The following EVC variants were observed in gnomAD, a reference collection of about 807,000 sequenced individuals.
EVC encodes EvC ciliary complex subunit 1.
EVC carries 116 observed loss-of-function variants against 118.9 expected under a neutral mutation model. The ratio of observed to expected loss-of-function variants is 0.98; its 90% CI spans 0.84 to 1.14. The LOEUF (loss-of-function observed/expected upper bound fraction) is 1.14. EVC is among the 50% of genes most tolerant of loss of function. The probability of loss-of-function intolerance (pLI) is 0.00; values close to 1 mark genes in which losing one functional copy is unlikely to be tolerated. For synonymous variants in EVC, 619 were observed against 534.7 expected (o/e 1.16, Z -2.18); for missense variants, 1,401 against 1,246.4 (o/e 1.12, Z -1.87).
chr4:5,807,849 C>T (rs551998666), intron 17 of EVC, among the ~76,000 whole-genome samples: 14 of 152,334 alleles, frequency 9.2e-5, no homozygotes, highest in Non-Finnish European at 1.6e-4. Flanking sequence ...CCTTCTGCTC[C>T]GCCACTTCAC....
At chr4:5,757,787 A>G (rs1219954773) in intron 11 of EVC, among the ~76,000 whole-genome samples, 1 of 152,190 alleles carries the variant, frequency 6.6e-6, no homozygotes, top group African/African-American at 2.4e-5. Flanking sequence ...CTCCAAATAC[A>G]GCCACATGGG....
chr4:5,728,269 T>C (rs1169141649), intron 2 of EVC, among the ~76,000 whole-genome samples: 1 of 152,180 alleles, frequency 6.6e-6, no homozygotes, highest in Non-Finnish European at 1.5e-5. Flanking sequence ...TTTGTAGTTC[T>C]CCTTGAAGAA....
At chr4:5,816,622 T>G (rs1288847041), downstream of EVC, among the ~76,000 whole-genome samples, 3 of 130,504 alleles carry the variant, frequency 2.3e-5, no homozygotes, top group African/African-American at 8.6e-5. Flanking sequence ...GTCCTTCTTT[T>G]CTCCCTCCCT....
At chr4:5,827,376 A>AT in the EVC span, among the ~76,000 whole-genome samples, 3 of 152,054 alleles carry the variant, frequency 2.0e-5, no homozygotes, top group South Asian at 6.2e-4. Flanking sequence ...TTGTTTCCCC[A>AT]TCCAGTGCAA....
At chr4:5,800,599 G>T (rs1179422091) in intron 15 of EVC, among the ~76,000 whole-genome samples, 1 of 152,182 alleles carries the variant, frequency 6.6e-6, no homozygotes, top group Non-Finnish European at 1.5e-5. Context: ...AGGAAGGCAG[G>T]TGCACATAGG....
At chr4:5,773,925 TG>T (rs1456684823) in intron 11 of EVC, among the ~76,000 whole-genome samples, 1 of 152,100 alleles carries the variant, frequency 6.6e-6, no homozygotes, top group African/African-American at 2.4e-5. Context: ...GGTCCTGTGA[TG>T]AGGAACAAAA....
rs1230787985 is a variant in EVC, at chr4:5,746,597, C to G, written c.939+1256C>G. 6.6e-6 allele frequency among the ~76,000 whole-genome samples: 1 copy of G among 152,092 alleles called. No individual in the cohort carries two copies. Among genetic ancestry groups the G allele is most frequent in the Non-Finnish European group, 1.5e-5 (1 of 68,016 alleles). Reference sequence around the variant, plus strand: ...GTTCTTAGAACTGTGGGCCAGGATGCTAAGGAAGAGGGCCAGCCTGGATTC... The same window carrying G: ...GTTCTTAGAACTGTGGGCCAGGATGGTAAGGAAGAGGGCCAGCCTGGATTC... On this transcript the variant is annotated intron_variant, in intron 7 of 20. Transcript: ENST00000264956. The surrounding 1 kb of genome is among the most constrained non-coding windows in gnomAD (Gnocchi z 5.8).
Position 5,737,646 on chromosome 4 carries a change from T to C in EVC, c.703-4070T>C. ...CTAAATCTACTCTGCCTGTGCTCTA[T>C]AAGTGGAACAACAAAGCCTGGATCA... On this transcript the variant is annotated intron_variant, in intron 5 of 20. Transcript: ENST00000264956. This position sits in a 1 kb window ranked among gnomAD's most constrained non-coding sequence, Gnocchi z 5.0. 6.6e-6 allele frequency among the ~76,000 whole-genome samples: 1 copy of C among 152,234 alleles called. No homozygotes were observed. Among genetic ancestry groups the C allele is most frequent in the East Asian group, 1.9e-4 (1 of 5,198 alleles).
rs1326928941 is a variant in EVC, at chr4:5,756,224, T to G, written c.1465-40T>G. On this transcript the variant is annotated intron_variant, in intron 10 of 20. Coordinates refer to ENST00000264956, the MANE Select transcript of EVC (RefSeq NM_153717.3). This position sits in a 1 kb window ranked among gnomAD's most constrained non-coding sequence, Gnocchi z 4.2. ...CTTCTGGAAAAAAAAAAAAAAACCC[T>G]GCATGTTTCTACCAGACTCAGCTCT... is the stretch of plus-strand genomic sequence containing the variant. The G allele has an allele frequency of 1.4e-6, 2 of 1,414,048 alleles. No individual in the cohort carries two copies. Among genetic ancestry groups the G allele is most frequent in the Non-Finnish European group, 2.0e-6 (2 of 1,023,312 alleles). 87.6% of individuals were successfully genotyped at this position (1,414,048 alleles called of 1,614,324 possible).
At chr4:5,818,195 G>A (rs1288947486), downstream of EVC, among the ~76,000 whole-genome samples, 2 of 152,106 alleles carry the variant, frequency 1.3e-5, no homozygotes, top group African/African-American at 4.8e-5. Flanking sequence ...TCTCTCTCTT[G>A]CCTGCCATCA....
chr4:5,712,497 G>A (rs753503573), intron 1 of EVC, among the ~76,000 whole-genome samples: 5 of 152,168 alleles, frequency 3.3e-5, no homozygotes, highest in Non-Finnish European at 7.3e-5. Context: ...ATAGTGGTAT[G>A]GCCACTATTT....
At chr4:5,786,648 C>T (rs991632709) in intron 12 of EVC, among the ~76,000 whole-genome samples, 1 of 152,094 alleles carries the variant, frequency 6.6e-6, no homozygotes, top group Non-Finnish European at 1.5e-5. Flanking sequence ...CCAAGACGGG[C>T]GGATCATGAG....
Position 5,756,515 on chromosome 4 carries a change from C to A in EVC, c.1563+153C>A, listed in dbSNP as rs770254165. 1.3e-5 allele frequency among the ~76,000 whole-genome samples: 2 copies of A among 152,192 alleles called. No individual in the cohort carries two copies. Among genetic ancestry groups the A allele is most frequent in the African/African-American group, 4.8e-5 (2 of 41,448 alleles). On this transcript the variant is annotated intron_variant, in intron 11 of 20. Coordinates refer to ENST00000264956, the MANE Select transcript of EVC (RefSeq NM_153717.3). This position sits in a 1 kb window ranked among gnomAD's most constrained non-coding sequence, Gnocchi z 4.2. ...CCACGCAGGCTGTGTCCCCTCCATGCGATCCTCCTTGCCCACATCAGAAAC... is the reference window on the plus strand; with the variant it reads ...CCACGCAGGCTGTGTCCCCTCCATGAGATCCTCCTTGCCCACATCAGAAAC...
intron 9 of EVC, 108 bp downstream of exon 9, chr4:5,753,160 G>A: frequency 9.3e-7 from 1 of 1,080,690 alleles, no homozygotes; most frequent in Non-Finnish European, 1.4e-6. Flanking sequence ...ATGATGCCGG[G>A]CACAGGCTGC....
chr4:5,808,266 C>T lies in EVC; in HGVS notation c.2627C>T (p.Ala876Val). The stretch of plus-strand genomic sequence containing the variant: ...GTGCACCAGCAGATGCGTCTGCACG[C>T]CCAGCAGCAGCAGGCAGGAGTCATG... ...FPVHQQMRLHAQQQQAGVMDL... is the reference protein window; with the variant it reads ...FPVHQQMRLHVQQQQAGVMDL... The change falls in exon 18 of 21, where the codon GCC becomes GTC. Residue 876 changes from alanine (A) to valine (V), a missense_variant. Transcript: ENST00000264956. 1.2e-6 allele frequency: 2 copies of T among 1,612,904 alleles called. No individual in the cohort carries two copies. Among genetic ancestry groups the T allele is most frequent in the Non-Finnish European group, 1.7e-6 (2 of 1,179,632 alleles).
chr4:5,741,860 T>A, intron 6 of EVC, 46 bp downstream of exon 6: 1 of 1,027,090 alleles, frequency 9.7e-7, no homozygotes, highest in Non-Finnish European at 1.5e-6. Flanking sequence ...AATAGTTTAT[T>A]ATAATATATA....
rs1261044362 is a variant in EVC at position 5,731,328 on chromosome 4, G to T, written c.385-97G>T. The T allele has an allele frequency of 5.6e-6, 6 of 1,080,072 alleles. No homozygotes were observed. Among genetic ancestry groups the T allele is most frequent in the Admixed American group, 1.7e-5 (1 of 59,274 alleles). 66.9% of individuals were successfully genotyped at this position (1,080,072 alleles called of 1,614,324 possible). ...CAGTCTCCTCCAGGCAGACCTTCCTGTGAGCGGCTAGCGTGAATCACTGGT... is the reference window on the plus strand; with the variant it reads ...CAGTCTCCTCCAGGCAGACCTTCCTTTGAGCGGCTAGCGTGAATCACTGGT... On this transcript the variant is annotated intron_variant, in intron 3 of 20. Transcript: ENST00000264956. The surrounding 1 kb of genome is among the most constrained non-coding windows in gnomAD (Gnocchi z 5.6).
At chr4:5,727,394 C>G (rs1301187232) in intron 2 of EVC, among the ~76,000 whole-genome samples, 1 of 151,810 alleles carries the variant, frequency 6.6e-6, no homozygotes, top group Admixed American at 6.6e-5. Context: ...CTGTTCATGT[C>G]CTTCGCCCAC....
At chr4:5,826,083 C>T in the EVC span, 1 of 251,980 alleles carries the variant, frequency 4.0e-6, no homozygotes, top group Non-Finnish European at 7.5e-6. Flanking sequence ...TACATGCCCA[C>T]ACACACACTC....
Sources: gnomAD v4.1 joint callset for allele counts (sites outside exome capture counted in the v4.1 genomes callset) on GRCh38, gnomAD v4.1.1 for gene constraint, Gnocchi (gnomAD v3.1) non-coding constraint, MANE v1.5 for transcripts, NCBI Gene and HGNC (gene_info 2026-07-23, HGNC 2026-07-21) for gene names.